Variants in SBF2 observed in about 807,000 individuals in gnomAD.
SBF2 encodes SET binding factor 2, also known as myotubularin-related protein 13.
In SBF2, 112 loss-of-function variants were observed where a neutral mutation model predicts 225.2. The observed-to-expected ratio is 0.50, with a 90% CI of 0.43 to 0.58. The LOEUF (loss-of-function observed/expected upper bound fraction) is 0.58, where lower values mean the gene tolerates loss of function less well. Among genes scored for constraint, SBF2 ranks in the 20% least tolerant of loss-of-function variants. SBF2 has a pLI of 0.00. For missense variants in SBF2, 1,996 were observed against 2,206.2 expected (o/e 0.90, Z 1.91); for synonymous variants, 763 against 773.3 (o/e 0.99, Z 0.22).
At chr11:10,218,659 C>T (rs948388413) in intron 1 of SBF2, among the ~76,000 whole-genome samples, 1 of 152,108 alleles carries the variant, frequency 6.6e-6, no homozygotes, top group Non-Finnish European at 1.5e-5. Flanking sequence ...ACAGCCATAC[C>T]ACCCTGAATG....
At chr11:9,982,376 GT>G (rs1236016803) in intron 13 of SBF2, among the ~76,000 whole-genome samples, 1 of 152,142 alleles carries the variant, frequency 6.6e-6, no homozygotes, top group Non-Finnish European at 1.5e-5. Context: ...TGACTAACAT[GT>G]TTTCATAACA....
intron 13 of SBF2, among the ~76,000 whole-genome samples, chr11:9,984,325 A>T (rs61877012): frequency 3.3e-5 from 5 of 152,024 alleles, no homozygotes; most frequent in Non-Finnish European, 5.9e-5. Context: ...AGTAGAAGAA[A>T]GAAACTCAGA....
chr11:9,834,177 T>C (rs113251198), intron 26 of SBF2, among the ~76,000 whole-genome samples: 7 of 145,708 alleles, frequency 4.8e-5, no homozygotes, highest in Non-Finnish European at 9.1e-5. Flanking sequence ...ACTGCAACCT[T>C]CGCCTCCTGG....
rs534722784 is a variant in SBF2, at chr11:10,078,628, G to A, written c.142-35647C>T. Reference sequence around the variant, plus strand: ...GGAATATCACACATCAGGGCCTATCGGGGGTTTGGGGGCTGGGGGAGGGAT... The same window carrying A: ...GGAATATCACACATCAGGGCCTATCAGGGGTTTGGGGGCTGGGGGAGGGAT... On this transcript the variant is annotated intron_variant, in intron 2 of 39. Transcript: ENST00000256190. Among the ~76,000 whole-genome samples, 283 of 152,108 alleles carry A rather than the reference G, an allele frequency of 1.9e-3. 1 individual carries two copies. Among genetic ancestry groups the A allele is most frequent in the African/African-American group, 6.2e-3 (259 of 41,470 alleles).
At chr11:10,221,718 T>C (rs1056186515) in intron 1 of SBF2, among the ~76,000 whole-genome samples, 1 of 151,876 alleles carries the variant, frequency 6.6e-6, no homozygotes, top group Admixed American at 6.6e-5. Flanking sequence ...TATACCAAAA[T>C]ATAAAAATCA....
intron 2 of SBF2, among the ~76,000 whole-genome samples, chr11:10,153,205 G>A (rs1339420902): frequency 6.6e-6 from 1 of 152,080 alleles, no homozygotes; most frequent in Non-Finnish European, 1.5e-5. Context: ...GAGGAAGACT[G>A]GATAAGAAAT....
intron 1 of SBF2, among the ~76,000 whole-genome samples, chr11:10,249,036 T>C (rs958940465): frequency 2.6e-5 from 4 of 151,382 alleles, no homozygotes; most frequent in Non-Finnish European, 5.9e-5. Context: ...GCAGAGCTTG[T>C]AGTGAGCCGA....
intron 2 of SBF2, among the ~76,000 whole-genome samples, chr11:10,136,921 T>C (rs1277431486): frequency 6.6e-6 from 1 of 152,250 alleles, no homozygotes; most frequent in Admixed American, 6.5e-5. Context: ...ACTTTCCATA[T>C]ATATAATCTT....
intron 16 of SBF2, 109 bp downstream of exon 16, chr11:9,961,848 A>C: frequency 2.1e-6 from 2 of 943,222 alleles, no homozygotes; most frequent in South Asian, 3.1e-5. Flanking sequence ...GCTTCATCCT[A>C]TTAGCTGTGG....
At chr11:9,925,282 T>A (rs991612440) in intron 16 of SBF2, among the ~76,000 whole-genome samples, 1 of 151,908 alleles carries the variant, frequency 6.6e-6, no homozygotes, top group African/African-American at 2.4e-5. Context: ...AAGTCACTAA[T>A]GATATATATA....
intron 2 of SBF2, among the ~76,000 whole-genome samples, chr11:10,081,934 C>A (rs1470915685): frequency 6.6e-6 from 1 of 151,508 alleles, no homozygotes; most frequent in African/African-American, 2.4e-5. Context: ...AAAGGATCAA[C>A]AAAAAATTAA....
intron 6 of SBF2, among the ~76,000 whole-genome samples, chr11:10,022,820 A>T (rs1405628471): frequency 1.3e-5 from 2 of 152,150 alleles, no homozygotes; most frequent in Admixed American, 1.3e-4. Flanking sequence ...AACCTGGGAC[A>T]TTTGACTAAG....
chr11:9,942,080 T>G (rs746961803), intron 16 of SBF2, among the ~76,000 whole-genome samples: 2 of 152,220 alleles, frequency 1.3e-5, no homozygotes, highest in Non-Finnish European at 2.9e-5. Flanking sequence ...AAATCATACA[T>G]GTATTTTTTG....
intron 2 of SBF2, among the ~76,000 whole-genome samples, chr11:10,064,412 G>T (rs1251155520): frequency 6.6e-6 from 1 of 151,992 alleles, no homozygotes; most frequent in South Asian, 2.1e-4. Context: ...AAAATAAAGG[G>T]TAAAAAGGAC....
intron 2 of SBF2, among the ~76,000 whole-genome samples, chr11:10,121,302 C>T (rs550136835): frequency 1.5e-4 from 23 of 152,196 alleles, no homozygotes; most frequent in Non-Finnish European, 2.9e-4. Context: ...TTGCTTCTTC[C>T]ATCTAAGACA....
chr11:10,275,344 T>TA (rs36015139), intron 1 of SBF2, among the ~76,000 whole-genome samples: 30,311 of 152,164 alleles, frequency 0.2, 3,965 homozygotes, highest in Non-Finnish European at 0.3. Flanking sequence ...TAAAAGTCTT[T>TA]AGTGGCAAAA....
chr11:10,150,977 T>G (rs541889371), intron 2 of SBF2, among the ~76,000 whole-genome samples: 1 of 152,310 alleles, frequency 6.6e-6, no homozygotes, highest in South Asian at 2.1e-4. Flanking sequence ...GGAATTGGCA[T>G]GAAATCATTA....
At chr11:9,931,529 C>G (rs1051588015) in intron 16 of SBF2, among the ~76,000 whole-genome samples, 1 of 152,196 alleles carries the variant, frequency 6.6e-6, no homozygotes, top group African/African-American at 2.4e-5. Flanking sequence ...ACACCTGCAG[C>G]TGAGGGACCT....
rs148896810 is a variant in SBF2 at position 10,292,309 on chromosome 11, C to T, written c.55+1706G>A. 5.5e-3 allele frequency among the ~76,000 whole-genome samples: 836 copies of T among 152,358 alleles called. 2 individuals are homozygous for T. The highest frequency in any genetic ancestry group is 0.034 in the Middle Eastern group (10 of 294). ...CTGGGATGACAGGGCATCAGGTCAA[C>T]AGCTTCCTCTCAAATTGTTGGGGGG... On this transcript the variant is annotated intron_variant, in intron 1 of 39. Transcript: ENST00000256190.
Sources: allele counts gnomAD v4.1 joint callset (sites outside exome capture counted in the v4.1 genomes callset), GRCh38; gene constraint gnomAD v4.1.1; transcripts MANE v1.5; gene names NCBI Gene and HGNC (gene_info 2026-07-23, HGNC 2026-07-21).